Variants in CYP2B6 observed in about 807,000 individuals in gnomAD.
CYP2B6 encodes the protein cytochrome P450 family 2 subfamily B member 6.
A neutral mutation model predicts 43.4 loss-of-function variants in CYP2B6; 35 were observed. The ratio of observed to expected loss-of-function variants is 0.81; its 90% CI spans 0.62 to 1.07. The LOEUF is 1.07. Among genes scored for constraint, CYP2B6 ranks in the 50% least tolerant of loss-of-function variants. CYP2B6 has a pLI of 0.00. For missense variants in CYP2B6, 624 were observed against 632.8 expected, an observed-to-expected ratio of 0.99 and a Z score of 0.15; for synonymous variants, 239 against 239.2, an observed-to-expected ratio of 1.00 and a Z score of 0.01.
chr19:40,995,893 C>A (rs571763164), intron 1 of CYP2B6, among the ~76,000 whole-genome samples: 5 of 152,212 alleles, frequency 3.3e-5, no homozygotes, highest in Non-Finnish European at 7.4e-5. Flanking sequence ...ACCGGTTCAG[C>A]CAGACATACA....
intron 1 of CYP2B6, among the ~76,000 whole-genome samples, chr19:41,002,812 G>T (rs1969116366): frequency 1.3e-5 from 2 of 152,104 alleles, no homozygotes; most frequent in African/African-American, 4.8e-5. Flanking sequence ...CTCCCAAATT[G>T]CTGGGATTAC....
chr19:41,005,160 C>G (rs1969157356), intron 3 of CYP2B6, among the ~76,000 whole-genome samples: 1 of 152,128 alleles, frequency 6.6e-6, no homozygotes, highest in South Asian at 2.1e-4. Flanking sequence ...TGGCAGTGAG[C>G]AGACAGGCCA....
At chr19:40,994,536 C>T (rs1227820430) in intron 1 of CYP2B6, among the ~76,000 whole-genome samples, 2 of 152,010 alleles carry the variant, frequency 1.3e-5, no homozygotes, top group Non-Finnish European at 2.9e-5. Context: ...GAGTTGGGGT[C>T]GTGCTATGTT....
intron 1 of CYP2B6, among the ~76,000 whole-genome samples, chr19:40,995,623 G>A (rs1479445359): frequency 6.6e-6 from 1 of 152,220 alleles, no homozygotes. Flanking sequence ...AGTCATATCA[G>A]AGTTTATAAG....
chr19:41,016,574 G>A (rs1412693760), intron 8 of CYP2B6, 72 bp from the exon 9 acceptor site: 1 of 1,539,404 alleles, frequency 6.5e-7, no homozygotes. Context: ...TTGTGTCTGG[G>A]CTTAGGGACA....
Position 41,017,754 on chromosome 19 carries a change from C to A in CYP2B6, c.*927C>A, listed in dbSNP as rs551452851. 1 of 152,302 alleles carries A rather than the reference C, an allele frequency of 6.6e-6. No homozygotes were observed. The highest frequency in any genetic ancestry group is 1.5e-5 in the Non-Finnish European group (1 of 68,036). The allele number at this position is 152,302 out of a possible 1,614,324, so 9.4% of individuals were successfully genotyped here. A position where few individuals can be genotyped will look rare whatever the true frequency, so the allele number is the denominator to read the frequency against. On this transcript the variant is annotated 3_prime_UTR_variant, in exon 9 of 9. Transcript: ENST00000324071. Reference sequence around the variant, plus strand: ...ACCTATCAAGCTGTCACTCCCCATACCCCATTCTCTTTTTCATCTCGGCCC... The same window carrying A: ...ACCTATCAAGCTGTCACTCCCCATAACCCATTCTCTTTTTCATCTCGGCCC...
chr19:41,011,867 G>T (rs1969289914), intron 6 of CYP2B6, among the ~76,000 whole-genome samples: 1 of 152,098 alleles, frequency 6.6e-6, no homozygotes, highest in South Asian at 2.1e-4. Context: ...ACTTTGAGGG[G>T]TATCAAGGAT....
chr19:41,017,068 A>G lies in CYP2B6; in HGVS notation c.*241A>G, dbSNP rs1449803552. ...TATATGTTCTTGTTTTTTGAGACAG[A>G]GTCTCACACTGTTGCCCAGGCTGGA... is the stretch of plus-strand genomic sequence containing the variant. On this transcript the variant is annotated 3_prime_UTR_variant, in exon 9 of 9. Transcript: ENST00000324071. The G allele has an allele frequency of 3.1e-6, 1 of 319,680 alleles. No homozygotes were observed. Among genetic ancestry groups the G allele is most frequent in the African/African-American group, 2.1e-5 (1 of 47,204 alleles). 19.8% of individuals were successfully genotyped at this position (319,680 alleles called of 1,614,324 possible).
intron 7 of CYP2B6, 23 bp from the exon 8 acceptor site, chr19:41,012,651 T>C (rs767042783): frequency 1.5e-5 from 24 of 1,613,702 alleles, no homozygotes; most frequent in Non-Finnish European, 1.9e-5. Context: ...GCAATATCTT[T>C]TGATCTTGTG....
chr19:41,015,866 T>G (rs1477561173), intron 8 of CYP2B6, among the ~76,000 whole-genome samples: 3 of 151,224 alleles, frequency 2.0e-5, no homozygotes, highest in Non-Finnish European at 2.9e-5. Context: ...CCAAGTGCTA[T>G]TCTAAGAATT....
intron 3 of CYP2B6, among the ~76,000 whole-genome samples, chr19:41,006,650 C>T (rs1969192352): frequency 6.6e-6 from 1 of 151,972 alleles, no homozygotes; most frequent in South Asian, 2.1e-4. Context: ...AGCTGTGCAA[C>T]TTTGGTCAAA....
At position 41,001,701 on chromosome 19, in the gene CYP2B6, A is replaced by G. The variant is rs548208637; in HGVS notation, c.172-2300A>G. Among the ~76,000 whole-genome samples, 4 of 152,096 alleles carry G rather than the reference A, an allele frequency of 2.6e-5. No homozygotes were observed. The East Asian group carries it at 7.7e-4, about 29-fold the overall frequency. On this transcript the variant is annotated intron_variant, in intron 1 of 8. Coordinates refer to ENST00000324071, the MANE Select transcript of CYP2B6 (RefSeq NM_000767.5). ...TCATTTATTCACGAATCCAATAACA[A>G]TTCACTGGGCACTTTCTATGTACCA...
intron 5 of CYP2B6, chr19:41,009,683 G>T (rs1316500655): frequency 1.7e-6 from 1 of 601,490 alleles, no homozygotes; most frequent in South Asian, 2.0e-5. Flanking sequence ...GAAGGAATTC[G>T]GGGCAAGGGA....
intron 1 of CYP2B6, 147 bp downstream of exon 1, chr19:40,991,623 G>A (rs1968921851): frequency 3.6e-6 from 3 of 838,416 alleles, no homozygotes; most frequent in Non-Finnish European, 6.1e-6. Flanking sequence ...GAAGCATGAT[G>A]GGTGGTATTA....
Position 41,016,691 on chromosome 19 carries a change from T to A in CYP2B6, c.1340T>A (p.Phe447Tyr), listed in dbSNP as rs1568564832. Residue 447 changes from phenylalanine to tyrosine, a missense_variant, in exon 9 of 9, where the codon TTC becomes TAC. Physicochemically the swap from Phe to Tyr is conservative, Grantham distance 22 (BLOSUM62 3). Transcript: ENST00000324071. ...GAAGGCATCGCCCGTGCGGAATTGT[T>A]CCTCTTCTTCACCACCATCCTCCAG... ...LGEGIARAEL[F>Y]LFFTTILQNF... 6.2e-7 allele frequency: 1 copy of A among 1,614,204 alleles called. No homozygotes were observed. The highest frequency in any genetic ancestry group is 8.5e-7 in the Non-Finnish European group (1 of 1,180,022).
In CYP2B6 at chr19:41,003,300, A is replaced by G. The variant is rs151303627; in HGVS notation, c.172-701A>G. Among the ~76,000 whole-genome samples, 1,331 of 151,828 alleles carry G rather than the reference A, an allele frequency of 8.8e-3. 12 individuals carry two copies. Among genetic ancestry groups the G allele is most frequent in the Non-Finnish European group, 0.012 (804 of 67,940 alleles). ...ACTATGCATACTCTTTTTTTTTCCT[A>G]TACAATCACATTATATAGGGAGGGT... On this transcript the variant is annotated intron_variant, in intron 1 of 8. Coordinates refer to ENST00000324071, the MANE Select transcript of CYP2B6 (RefSeq NM_000767.5).
intron 3 of CYP2B6, among the ~76,000 whole-genome samples, chr19:41,004,906 A>G (rs547444777): frequency 6.6e-6 from 1 of 152,108 alleles, no homozygotes; most frequent in African/African-American, 2.4e-5. Context: ...GTGGGACTAC[A>G]GGATCACTTG....
intron 6 of CYP2B6, among the ~76,000 whole-genome samples, chr19:41,011,398 C>A (rs1969281791): frequency 2.0e-5 from 3 of 152,148 alleles, no homozygotes; most frequent in Admixed American, 1.3e-4. Flanking sequence ...TCATTGATTT[C>A]TTTGTCTATG....
Position 40,991,411 on chromosome 19 carries a change from C to A in CYP2B6, c.106C>A (p.Pro36Thr). ...THDRLPPGPR[P>T]LPLLGNLLQM... ...TGACCGCCTCCCACCAGGGCCCCGC[C>A]CTCTGCCCCTTTTGGGAAACCTTCT... The change falls in exon 1 of 9, where the codon CCT becomes ACT. Residue 36 changes from proline (P) to threonine (T), a missense_variant. Coordinates refer to ENST00000324071, the MANE Select transcript of CYP2B6 (RefSeq NM_000767.5). 6.2e-7 allele frequency: 1 copy of A among 1,614,072 alleles called. No individual in the cohort carries two copies. Among genetic ancestry groups the A allele is most frequent in the Non-Finnish European group, 8.5e-7 (1 of 1,180,032 alleles).
Sources: gnomAD v4.1 joint callset for allele counts (sites outside exome capture counted in the v4.1 genomes callset) on GRCh38, gnomAD v4.1.1 for gene constraint, MANE v1.5 for transcripts, NCBI Gene and HGNC (gene_info 2026-07-23, HGNC 2026-07-21) for gene names.